Variants in PRKG1 observed in about 807,000 individuals in gnomAD.
The protein encoded by PRKG1 is protein kinase cGMP-dependent 1, also known as cGMP-dependent protein kinase 1.
Under a neutral mutation model 88.1 loss-of-function variants are expected in PRKG1, and 35 were observed. The observed-to-expected ratio is 0.40, with a 90% CI of 0.30 to 0.53. The LOEUF is 0.53. Among genes scored for constraint, PRKG1 ranks in the 20% least tolerant of loss-of-function variants. The pLI is 0.59. For missense variants in PRKG1, 540 were observed against 839.8 expected, an observed-to-expected ratio of 0.64 and a Z score of 4.41; for synonymous variants, 303 against 292.5, an observed-to-expected ratio of 1.04 and a Z score of -0.37.
At chr10:52,267,228 G>A (rs766040729) in intron 10 of PRKG1, among the ~76,000 whole-genome samples, 3 of 149,810 alleles carry the variant, frequency 2.0e-5, no homozygotes, top group Non-Finnish European at 4.5e-5. Context: ...AATACAAATT[G>A]CTATAACTGA....
intron 3 of PRKG1, among the ~76,000 whole-genome samples, chr10:51,577,227 G>C (rs926916807): frequency 3.3e-5 from 5 of 151,860 alleles, no homozygotes; most frequent in African/African-American, 1.2e-4. Flanking sequence ...TATTCCAAAT[G>C]TGTTAGCATT....
intron 7 of PRKG1, among the ~76,000 whole-genome samples, chr10:52,101,255 A>G (rs1265778265): frequency 1.3e-5 from 2 of 152,196 alleles, no homozygotes; most frequent in Non-Finnish European, 2.9e-5. Flanking sequence ...TATATCTTTA[A>G]CACTGCTAGT....
intron 1 of PRKG1, among the ~76,000 whole-genome samples, chr10:51,076,513 A>T (rs1322928648): frequency 3.9e-5 from 6 of 152,200 alleles, no homozygotes; most frequent in African/African-American, 1.4e-4. Context: ...ATAGGATCTC[A>T]TTTTTGTATC....
intron 2 of PRKG1, among the ~76,000 whole-genome samples, chr10:51,438,355 G>A (rs1226058342): frequency 1.3e-5 from 2 of 151,806 alleles, no homozygotes; most frequent in African/African-American, 2.4e-5. Flanking sequence ...TATTTTATTA[G>A]TTTTTAACTA....
chr10:52,175,613 C>T (rs950677099), intron 9 of PRKG1, among the ~76,000 whole-genome samples: 4 of 152,062 alleles, frequency 2.6e-5, no homozygotes, highest in African/African-American at 7.2e-5. Context: ...TTCCCACCGA[C>T]GGTATACAAG....
intron 3 of PRKG1, among the ~76,000 whole-genome samples, chr10:51,525,829 C>CTTT (rs747976301): frequency 2.7e-5 from 4 of 146,058 alleles, no homozygotes; most frequent in Non-Finnish European, 6.1e-5. Flanking sequence ...ACTCTTAGCA[C>CTTT]TTTTTTTTTT....
At chr10:51,117,121 T>C (rs1168140017) in intron 1 of PRKG1, among the ~76,000 whole-genome samples, 3 of 152,224 alleles carry the variant, frequency 2.0e-5, no homozygotes, top group African/African-American at 7.2e-5. Context: ...GTAATGAACA[T>C]GGAAATGCTT....
At chr10:51,014,288 G>A (rs7895755) in intron 1 of PRKG1, among the ~76,000 whole-genome samples, 136,145 of 151,590 alleles carry the variant, frequency 0.9, 61,318 homozygotes, top group African/African-American at 0.97. Flanking sequence ...TTGTTGCCTT[G>A]TAGGAGCTAC....
intron 2 of PRKG1, among the ~76,000 whole-genome samples, chr10:51,170,533 A>G (rs1846676109): frequency 6.6e-6 from 1 of 151,560 alleles, no homozygotes; most frequent in African/African-American, 2.4e-5. Context: ...GACATGTGGG[A>G]TGGGGAAGGA....
intron 2 of PRKG1, among the ~76,000 whole-genome samples, chr10:51,187,125 C>G (rs1020441273): frequency 6.6e-6 from 1 of 151,496 alleles, no homozygotes; most frequent in African/African-American, 2.4e-5. Flanking sequence ...ATCAGAATTG[C>G]TTTGAAATAG....
chr10:51,833,560 T>A (rs565680450), intron 4 of PRKG1, among the ~76,000 whole-genome samples: 1 of 152,340 alleles, frequency 6.6e-6, no homozygotes, highest in South Asian at 2.1e-4. Context: ...TTTATTTTTA[T>A]TTTTAATTGA....
chr10:52,051,929 T>C (rs1383686676), intron 5 of PRKG1, among the ~76,000 whole-genome samples: 1 of 152,068 alleles, frequency 6.6e-6, no homozygotes, highest in Non-Finnish European at 1.5e-5. Context: ...GTTTTACTAA[T>C]TGAGCTTCAT....
At chr10:51,263,137 T>G (rs906723626) in intron 2 of PRKG1, among the ~76,000 whole-genome samples, 2 of 152,218 alleles carry the variant, frequency 1.3e-5, no homozygotes, top group African/African-American at 2.4e-5. Context: ...GGGCTTCCAT[T>G]GATAAACTTG....
At chr10:51,234,538 A>C (rs897211041) in intron 2 of PRKG1, among the ~76,000 whole-genome samples, 3 of 152,182 alleles carry the variant, frequency 2.0e-5, no homozygotes, top group Non-Finnish European at 4.4e-5. Context: ...AGGTTTTCTT[A>C]CCAAACAGGA....
intron 3 of PRKG1, among the ~76,000 whole-genome samples, chr10:51,719,323 C>G (rs1248674187): frequency 1.3e-5 from 2 of 152,102 alleles, no homozygotes; most frequent in African/African-American, 2.4e-5. Flanking sequence ...ATGGAGAAAC[C>G]TGGGAGACAC....
At chr10:52,293,349 T>C (rs12257997) in intron 17 of PRKG1, among the ~76,000 whole-genome samples, 21,312 of 150,510 alleles carry the variant, frequency 0.14, 2,186 homozygotes, top group African/African-American at 0.27. Flanking sequence ...AGGTAATTTA[T>C]AGATTCAATG....
intron 3 of PRKG1, among the ~76,000 whole-genome samples, chr10:51,626,491 A>G (rs1043175473): frequency 6.6e-6 from 1 of 152,074 alleles, no homozygotes; most frequent in African/African-American, 2.4e-5. Flanking sequence ...ATTTTTTGAA[A>G]TCCTAGGGGG....
intron 7 of PRKG1, among the ~76,000 whole-genome samples, chr10:52,100,338 A>G (rs555598486): frequency 1.4e-4 from 21 of 152,354 alleles, no homozygotes; most frequent in African/African-American, 4.8e-4. Context: ...TTCCAGGAGC[A>G]CTAATGGACT....
At chr10:51,040,288 T>C (rs1008042612) in intron 1 of PRKG1, among the ~76,000 whole-genome samples, 1 of 147,386 alleles carries the variant, frequency 6.8e-6, no homozygotes, top group African/African-American at 2.5e-5. Context: ...TTTAATTTCT[T>C]TCTTGCTTTT....
Sources: allele counts gnomAD v4.1 joint callset (sites outside exome capture counted in the v4.1 genomes callset), GRCh38; gene constraint gnomAD v4.1.1; transcripts MANE v1.5; gene names NCBI Gene and HGNC (gene_info 2026-07-23, HGNC 2026-07-21).